The following CMIP variants were observed in gnomAD, a reference collection of about 807,000 sequenced individuals.
CMIP encodes the protein c-Maf inducing protein.
CMIP carries 13 observed loss-of-function variants against 97.3 expected under a neutral mutation model. That is an observed-to-expected ratio of 0.13 (90% CI 0.09 to 0.21). CMIP has a LOEUF of 0.21. CMIP is among the 10% of genes least tolerant of loss of function. The probability of loss-of-function intolerance (pLI) is 1.00; values close to 1 mark genes in which losing one functional copy is unlikely to be tolerated. For missense variants in CMIP, 847 were observed against 1,024.9 expected, an observed-to-expected ratio of 0.83 and a Z score of 2.37; for synonymous variants, 538 against 436.3, an observed-to-expected ratio of 1.23 and a Z score of -2.91.
intron 3 of CMIP, among the ~76,000 whole-genome samples, chr16:81,644,028 GA>G (rs1255892066): frequency 1.3e-5 from 2 of 151,838 alleles, no homozygotes; most frequent in Non-Finnish European, 2.9e-5. Flanking sequence ...CAGTCAGAGA[GA>G]AAAAAAATAG....
At chr16:81,593,833 C>G (rs1190275625) in intron 1 of CMIP, among the ~76,000 whole-genome samples, 1 of 152,296 alleles carries the variant, frequency 6.6e-6, no homozygotes, top group Non-Finnish European at 1.5e-5. Context: ...TTACCTGTAT[C>G]AGATGCTCAC....
chr16:81,706,928 C>G, intron 19 of CMIP, 86 bp from the exon 20 acceptor site: 1 of 1,128,758 alleles, frequency 8.9e-7, no homozygotes. Flanking sequence ...CTGGCACCTG[C>G]ATTGAGCTCC....
intron 9 of CMIP, among the ~76,000 whole-genome samples, chr16:81,675,007 C>G (rs1904286505): frequency 6.6e-6 from 1 of 152,154 alleles, no homozygotes; most frequent in South Asian, 2.1e-4. Flanking sequence ...CCAGGACCCT[C>G]CCAGTGCCAT....
At chr16:81,678,843 G>A (rs1020065964) in intron 10 of CMIP, among the ~76,000 whole-genome samples, 1 of 152,260 alleles carries the variant, frequency 6.6e-6, no homozygotes, top group Non-Finnish European at 1.5e-5. Context: ...TGTACAAGTG[G>A]GTGAGGCACA....
At chr16:81,589,184 C>T (rs957862643) in intron 1 of CMIP, among the ~76,000 whole-genome samples, 3 of 152,008 alleles carry the variant, frequency 2.0e-5, no homozygotes, top group African/African-American at 4.8e-5. Flanking sequence ...GCAACCACTG[C>T]CTCCTTGATT....
At chr16:81,617,998 G>A (rs1361423219) in intron 2 of CMIP, among the ~76,000 whole-genome samples, 1 of 152,190 alleles carries the variant, frequency 6.6e-6, no homozygotes, top group Non-Finnish European at 1.5e-5. Context: ...TCCAGCCGGT[G>A]GCAGCTTACA....
rs541444118 is a variant in CMIP at position 81,532,134 on chromosome 16, C to T, written c.301-75433C>T. ...AGGACAGCTAAAGAAGCGAGGTGCG[C>T]AAGGTGCCCAGGTCCGAAGTGTTTC... On this transcript the variant is annotated intron_variant, in intron 1 of 20. Coordinates refer to ENST00000537098, the MANE Select transcript of CMIP (RefSeq NM_198390.3). Among the ~76,000 whole-genome samples the T allele has an allele frequency of 5.9e-5, 9 of 152,330 alleles. No individual in the cohort carries two copies. The South Asian group carries it at 1.4e-3, about 25-fold the overall frequency.
chr16:81,585,937 C>T (rs1331376856), intron 1 of CMIP, among the ~76,000 whole-genome samples: 3 of 152,214 alleles, frequency 2.0e-5, no homozygotes, highest in Non-Finnish European at 4.4e-5. Flanking sequence ...CTCCCCCATT[C>T]TCCATGAGCT....
chr16:81,643,437 A>AAAT (rs1463188389), intron 3 of CMIP, among the ~76,000 whole-genome samples: 2 of 152,330 alleles, frequency 1.3e-5, no homozygotes, highest in East Asian at 3.9e-4. Flanking sequence ...GAAGTGTTGG[A>AAAT]AATAGTGGTG....
chr16:81,506,682 A>G (rs1333975789), intron 1 of CMIP, among the ~76,000 whole-genome samples: 1 of 152,274 alleles, frequency 6.6e-6, no homozygotes, highest in Admixed American at 6.5e-5. Context: ...TGGGAGGCCA[A>G]GGCGGGCGGA....
At chr16:81,560,177 T>C (rs1446141259) in intron 1 of CMIP, among the ~76,000 whole-genome samples, 1 of 144,882 alleles carries the variant, frequency 6.9e-6, no homozygotes, top group African/African-American at 2.5e-5. Context: ...AGAAAAAAAG[T>C]TGTGTGTTTT....
At chr16:81,582,181 C>G (rs2091307244) in intron 1 of CMIP, among the ~76,000 whole-genome samples, 1 of 152,206 alleles carries the variant, frequency 6.6e-6, no homozygotes, top group African/African-American at 2.4e-5. Context: ...TCACCTCCCA[C>G]AGGCCCCTTC....
chr16:81,624,468 G>A (rs1223534614), intron 3 of CMIP, among the ~76,000 whole-genome samples: 3 of 145,996 alleles, frequency 2.1e-5, no homozygotes, highest in South Asian at 4.3e-4. Flanking sequence ...CAGCCTGGGC[G>A]AAAGTGCGAG....
intron 1 of CMIP, among the ~76,000 whole-genome samples, chr16:81,576,975 C>G (rs530585562): frequency 4.6e-5 from 7 of 152,212 alleles, no homozygotes; most frequent in African/African-American, 1.7e-4. Context: ...ATCACCACCA[C>G]TATTAGCATC....
chr16:81,650,393 G>A (rs1008112731), intron 3 of CMIP, among the ~76,000 whole-genome samples: 4 of 152,168 alleles, frequency 2.6e-5, no homozygotes, highest in Admixed American at 2.0e-4. Flanking sequence ...AAGAAAGGTG[G>A]GCAGGTGGGT....
chr16:81,532,913 C>A (rs77531223), intron 1 of CMIP, among the ~76,000 whole-genome samples: 7,986 of 152,236 alleles, frequency 0.052, 243 homozygotes, highest in Middle Eastern at 0.085. Flanking sequence ...ATCTGGGCTG[C>A]CTCCTTGGAC....
chr16:81,455,834 C>A (rs1354231239), intron 1 of CMIP, among the ~76,000 whole-genome samples: 2 of 152,196 alleles, frequency 1.3e-5, no homozygotes, highest in African/African-American at 4.8e-5. Context: ...ACCTTCCCTT[C>A]AGGGAGGCCT....
intron 1 of CMIP, among the ~76,000 whole-genome samples, chr16:81,593,273 G>A (rs1183211710): frequency 6.6e-6 from 1 of 152,142 alleles, no homozygotes; most frequent in Non-Finnish European, 1.5e-5. Context: ...GGGTCTTTCT[G>A]TCGTCTTGAT....
chr16:81,679,168 G>C (rs1904607629), intron 10 of CMIP, among the ~76,000 whole-genome samples: 2 of 152,198 alleles, frequency 1.3e-5, no homozygotes, highest in South Asian at 4.1e-4. Context: ...GGGTGGATGT[G>C]GGTGCGACAG....
Sources: gnomAD v4.1 joint callset for allele counts (sites outside exome capture counted in the v4.1 genomes callset) on GRCh38, gnomAD v4.1.1 for gene constraint, MANE v1.5 for transcripts, NCBI Gene and HGNC (gene_info 2026-07-23, HGNC 2026-07-21) for gene names.